The following RBM47 variants were observed in gnomAD, a reference collection of about 807,000 sequenced individuals.
RBM47 encodes the protein RNA binding motif protein 47.
RBM47 carries 21 observed loss-of-function variants against 47.1 expected under a neutral mutation model. The observed-to-expected ratio is 0.45, with a 90% CI of 0.32 to 0.64. The LOEUF is 0.64. Among genes scored for constraint, RBM47 ranks in the 30% least tolerant of loss-of-function variants. The pLI, the probability that RBM47 is intolerant of heterozygous loss-of-function variation, is 0.05. For missense variants in RBM47, 708 were observed against 870.9 expected (o/e 0.81, Z 2.35); for synonymous variants, 375 against 361.7 (o/e 1.04, Z -0.42).
intron 2 of RBM47, among the ~76,000 whole-genome samples, chr4:40,481,700 C>T (rs943641608): frequency 7.2e-5 from 11 of 151,898 alleles, no homozygotes; most frequent in Admixed American, 2.0e-4. Flanking sequence ...TACAGGTGTG[C>T]GCCACCATGC....
intron 2 of RBM47, among the ~76,000 whole-genome samples, chr4:40,495,197 T>G (rs1454891889): frequency 6.6e-6 from 1 of 152,168 alleles, no homozygotes; most frequent in Non-Finnish European, 1.5e-5. Flanking sequence ...TTGGTATATA[T>G]TACTATGGGG....
At chr4:40,611,704 G>A (rs1286422704) in intron 1 of RBM47, among the ~76,000 whole-genome samples, 3 of 151,838 alleles carry the variant, frequency 2.0e-5, no homozygotes, top group Non-Finnish European at 2.9e-5. Flanking sequence ...CTCCAGCCTG[G>A]GCAACAAGAG....
At chr4:40,570,322 T>C (rs1731588493) in intron 1 of RBM47, among the ~76,000 whole-genome samples, 1 of 151,900 alleles carries the variant, frequency 6.6e-6, no homozygotes, top group Admixed American at 6.6e-5. Flanking sequence ...CTTGTTTTCT[T>C]GCAACTAGAT....
intron 1 of RBM47, among the ~76,000 whole-genome samples, chr4:40,573,531 T>C (rs2154269249): frequency 6.6e-6 from 1 of 151,856 alleles, no homozygotes; most frequent in Non-Finnish European, 1.5e-5. Context: ...TCACTTGAGG[T>C]CAAGAGTTCG....
chr4:40,560,513 G>T (rs913662392), intron 1 of RBM47, among the ~76,000 whole-genome samples: 3 of 152,208 alleles, frequency 2.0e-5, no homozygotes, highest in African/African-American at 7.2e-5. Flanking sequence ...GGCTCTCCCT[G>T]CTCCCGGCAG....
chr4:40,565,458 G>T (rs1412904478), intron 1 of RBM47, among the ~76,000 whole-genome samples: 1 of 152,112 alleles, frequency 6.6e-6, no homozygotes, highest in Admixed American at 6.6e-5. Context: ...GGCCGGTGGT[G>T]GTGGACACAT....
chr4:40,556,955 C>A (rs1405636385), intron 1 of RBM47, among the ~76,000 whole-genome samples: 1 of 143,964 alleles, frequency 6.9e-6, no homozygotes, highest in Non-Finnish European at 1.5e-5. Context: ...GGGTTGTGAG[C>A]CTGAGAATGT....
At chr4:40,515,459 A>C (rs1725463246) in intron 2 of RBM47, among the ~76,000 whole-genome samples, 1 of 152,198 alleles carries the variant, frequency 6.6e-6, no homozygotes, top group Admixed American at 6.5e-5. Flanking sequence ...TCTAGAGAAG[A>C]AGCCAGAATT....
At chr4:40,543,958 A>G (rs555429399) in intron 2 of RBM47, 1 of 151,664 alleles carries the variant, frequency 6.6e-6, no homozygotes, top group African/African-American at 2.4e-5. Context: ...AATAGAAGGT[A>G]GGGAATACTT....
intron 2 of RBM47, among the ~76,000 whole-genome samples, chr4:40,471,619 G>A (rs113149044): frequency 0.019 from 2,890 of 151,804 alleles, 86 homozygotes; most frequent in East Asian, 0.065. Context: ...GCTTGAATCC[G>A]GGAGGTGGAG....
chr4:40,498,040 T>G (rs1251586283), intron 2 of RBM47, among the ~76,000 whole-genome samples: 1 of 95,864 alleles, frequency 1.0e-5, no homozygotes, highest in African/African-American at 3.7e-5. Flanking sequence ...GCAAATAAAA[T>G]GTAAGTGCTT....
At chr4:40,499,197 A>G (rs1242076349) in intron 2 of RBM47, among the ~76,000 whole-genome samples, 2 of 152,198 alleles carry the variant, frequency 1.3e-5, no homozygotes, top group Non-Finnish European at 2.9e-5. Flanking sequence ...ATATGTTTGT[A>G]ATTTTTAAAA....
intron 1 of RBM47, among the ~76,000 whole-genome samples, chr4:40,550,469 A>C (rs965612037): frequency 6.6e-6 from 1 of 152,086 alleles, no homozygotes; most frequent in African/African-American, 2.4e-5. Context: ...CCCATGCTGG[A>C]ATGTAGTGCT....
chr4:40,473,411 T>C (rs942659818), intron 2 of RBM47, among the ~76,000 whole-genome samples: 1 of 152,192 alleles, frequency 6.6e-6, no homozygotes, highest in African/African-American at 2.4e-5. Context: ...ATCTGTGCTA[T>C]AACAAAAATG....
chr4:40,600,439 G>C lies in RBM47; in HGVS notation c.-240+28957C>G, dbSNP rs371528145. Among the ~76,000 whole-genome samples the C allele has an allele frequency of 1.2e-3, 178 of 147,790 alleles. 2 individuals are homozygous for C. The highest frequency in any genetic ancestry group is 4.0e-3 in the East Asian group (19 of 4,726). ...CACGAGGTCAGGAGATTGAGACCAT[G>C]CTGGCTAACGTGGTGAAACCCCGTC... On this transcript the variant is annotated intron_variant, in intron 1 of 6. Coordinates refer to ENST00000295971, the MANE Select transcript of RBM47 (RefSeq NM_001098634.2).
chr4:40,591,959 T>A (rs115525835), intron 1 of RBM47, among the ~76,000 whole-genome samples: 1,835 of 152,244 alleles, frequency 0.012, 42 homozygotes, highest in African/African-American at 0.042. Flanking sequence ...ATATTTTGGA[T>A]GCCTAGGAGA....
intron 3 of RBM47, among the ~76,000 whole-genome samples, chr4:40,450,420 T>A (rs1171445342): frequency 6.6e-6 from 1 of 151,106 alleles, no homozygotes; most frequent in African/African-American, 2.4e-5. Flanking sequence ...ATAGTGAAAC[T>A]CTGTCTCTAC....
At chr4:40,594,433 G>A (rs773932464) in intron 1 of RBM47, among the ~76,000 whole-genome samples, 5 of 152,138 alleles carry the variant, frequency 3.3e-5, no homozygotes, top group Admixed American at 6.5e-5. Context: ...CAGAATTGAC[G>A]ACACAGCTTG....
chr4:40,588,898 T>C (rs1384732297), intron 1 of RBM47, among the ~76,000 whole-genome samples: 1 of 152,060 alleles, frequency 6.6e-6, no homozygotes. Flanking sequence ...CAGTCCCTTT[T>C]TGTGTGCCAT....
Sources: allele counts gnomAD v4.1 joint callset (sites outside exome capture counted in the v4.1 genomes callset), GRCh38; gene constraint gnomAD v4.1.1; transcripts MANE v1.5; gene names NCBI Gene and HGNC (gene_info 2026-07-23, HGNC 2026-07-21).